The following PPP2R3A variants were observed in gnomAD, a reference collection of about 807,000 sequenced individuals.
PPP2R3A encodes the protein protein phosphatase 2 regulatory subunit B''alpha.
In PPP2R3A, 80 loss-of-function variants were observed where a neutral mutation model predicts 106.9. The ratio of observed to expected loss-of-function variants is 0.75; its 90% CI spans 0.62 to 0.90. The LOEUF is 0.90. PPP2R3A is among the 40% of genes least tolerant of loss of function. The pLI, the probability that PPP2R3A is intolerant of heterozygous loss-of-function variation, is 0.00. For synonymous variants in PPP2R3A, 483 were observed against 468.3 expected, an observed-to-expected ratio of 1.03 and a Z score of -0.41; for missense variants, 1,386 against 1,350.4, an observed-to-expected ratio of 1.03 and a Z score of -0.41.
chr3:136,000,791 C>T (rs185925323), intron 1 of PPP2R3A, among the ~76,000 whole-genome samples: 1 of 152,132 alleles, frequency 6.6e-6, no homozygotes, highest in Non-Finnish European at 1.5e-5. Flanking sequence ...TAAATCTAAG[C>T]TTCTTAATAT....
chr3:136,130,490 C>G lies in PPP2R3A; in HGVS notation c.3330-14553C>G, dbSNP rs192774776. Among the ~76,000 whole-genome samples the G allele has an allele frequency of 5.9e-5, 9 of 152,288 alleles. No individual in the cohort carries two copies. In the East Asian group the frequency reaches 1.7e-3, roughly 29 times the overall value. On this transcript the variant is annotated intron_variant, in intron 13 of 13. Coordinates refer to ENST00000264977, the MANE Select transcript of PPP2R3A (RefSeq NM_002718.5). ...CCTCTTCAAGGAGAACTACAAATCA[C>G]TGCTCAATGAAATAAAAGAGAACAC...
At chr3:136,091,020 A>G (rs1487184535) in intron 10 of PPP2R3A, among the ~76,000 whole-genome samples, 1 of 152,260 alleles carries the variant, frequency 6.6e-6, no homozygotes. Context: ...AGAGAGGGAA[A>G]GCAAATTGTG....
intron 5 of PPP2R3A, among the ~76,000 whole-genome samples, 158 bp downstream of exon 5, chr3:136,049,519 C>T (rs954215610): frequency 1.4e-5 from 2 of 142,638 alleles, no homozygotes; most frequent in Non-Finnish European, 2.9e-5. Flanking sequence ...AAGATCCTCT[C>T]GTTAAATGAA....
intron 1 of PPP2R3A, among the ~76,000 whole-genome samples, chr3:135,982,154 T>G (rs1036912921): frequency 6.6e-6 from 1 of 151,596 alleles, no homozygotes; most frequent in East Asian, 1.9e-4. Flanking sequence ...ACTGAATGAG[T>G]TTATATCCTG....
intron 5 of PPP2R3A, among the ~76,000 whole-genome samples, chr3:136,063,754 AAGTC>A: frequency 6.6e-6 from 1 of 150,758 alleles, no homozygotes; most frequent in Non-Finnish European, 1.5e-5. Flanking sequence ...AATCATTAAA[AAGTC>A]AGGAAACAAC....
At chr3:136,017,854 G>A (rs1351265940) in intron 2 of PPP2R3A, among the ~76,000 whole-genome samples, 1 of 152,180 alleles carries the variant, frequency 6.6e-6, no homozygotes. Flanking sequence ...TTATAGCTTT[G>A]CTGCCTGCAT....
chr3:136,007,299 G>C (rs1401657441), intron 2 of PPP2R3A, among the ~76,000 whole-genome samples: 2 of 152,156 alleles, frequency 1.3e-5, no homozygotes, highest in Non-Finnish European at 2.9e-5. Flanking sequence ...CCAAGTGAGG[G>C]GATGTTCACT....
Position 136,102,061 on chromosome 3 carries a change from G to T in PPP2R3A, c.2982G>T (p.Met994Ile), listed in dbSNP as rs759785232. The change falls in exon 11 of 14, where the codon ATG becomes ATT. Residue 994 changes from methionine (M) to isoleucine (I), a missense_variant. Transcript: ENST00000264977. Reference protein sequence around the residue: ...MDVDGDGVLSMYELEYFYEEQ... With the variant: ...MDVDGDGVLSIYELEYFYEEQ... ...TGGATGGAGACGGTGTACTCTCCAT[G>T]TATGAGCTGGAGTACTTCTATGAGG... 1.2e-6 allele frequency: 2 copies of T among 1,614,008 alleles called. No individual in the cohort carries two copies. The highest frequency in any genetic ancestry group is 1.7e-6 in the Non-Finnish European group (2 of 1,179,922).
chr3:135,995,177 G>A (rs1933336376), intron 1 of PPP2R3A, among the ~76,000 whole-genome samples: 1 of 152,100 alleles, frequency 6.6e-6, no homozygotes, highest in East Asian at 1.9e-4. Flanking sequence ...GGGGGGGTGG[G>A]GCTGGCAGCA....
intron 13 of PPP2R3A, chr3:136,106,569 A>G: frequency 1.0e-5 from 5 of 485,202 alleles, no homozygotes; most frequent in South Asian, 8.6e-5. Context: ...TCACTGAACA[A>G]TCAAACTACT....
At chr3:136,065,923 A>G (rs1936251517) in intron 5 of PPP2R3A, among the ~76,000 whole-genome samples, 1 of 152,172 alleles carries the variant, frequency 6.6e-6, no homozygotes, top group South Asian at 2.1e-4. Flanking sequence ...TGACCCTCCC[A>G]CCTTGGCCTT....
rs1937062511 is a variant in PPP2R3A, at chr3:135,965,788, A to C, written c.-502A>C. 1 of 152,008 alleles carries C rather than the reference A, an allele frequency of 6.6e-6. No homozygotes were observed. The highest frequency in any genetic ancestry group is 6.5e-5 in the Admixed American group (1 of 15,278). 9.4% of individuals were successfully genotyped at this position (152,008 alleles called of 1,614,324 possible). A position where few individuals can be genotyped will look rare whatever the true frequency, so the allele number is the denominator to read the frequency against. ...TAGCCCGAGAGTCCGCGCCGCGGGG[A>C]GGCTTGGAGGCAAGCGCTGCCCGCG... On this transcript the variant is annotated 5_prime_UTR_variant, in exon 1 of 14. Transcript: ENST00000264977.
At chr3:136,029,359 C>G (rs1017513720) in intron 3 of PPP2R3A, among the ~76,000 whole-genome samples, 2 of 152,168 alleles carry the variant, frequency 1.3e-5, no homozygotes, top group Non-Finnish European at 2.9e-5. Context: ...CCTCCACATC[C>G]TTTATGGTCT....
At chr3:136,079,190 A>G (rs1473658584) in intron 7 of PPP2R3A, 1 of 455,364 alleles carries the variant, frequency 2.2e-6, no homozygotes, top group Admixed American at 2.4e-5. Context: ...CATGATGGAT[A>G]TACAAACATT....
rs773969022 is a variant in PPP2R3A, at chr3:136,013,157, G to GGTGTGTGTGT, written c.1995+9681_1995+9690dup. Among the ~76,000 whole-genome samples, 144 of 139,778 alleles carry GGTGTGTGTGT rather than the reference G, an allele frequency of 1.0e-3. 2 individuals are homozygous for GGTGTGTGTGT. Among genetic ancestry groups the GGTGTGTGTGT allele is most frequent in the African/African-American group, 3.8e-3 (134 of 35,258 alleles). 91.7% of individuals were successfully genotyped at this position (139,778 alleles called of 152,430 possible). ...TTTTTATGGCTGAATAGTATTCCAT[G>GGTGTGTGTGT]GTGTGTGTGTGTGTGTGTGTGTGTG... On this transcript the variant is annotated intron_variant, in intron 2 of 13. Coordinates refer to ENST00000264977, the MANE Select transcript of PPP2R3A (RefSeq NM_002718.5).
chr3:136,086,013 C>A (rs972261357), intron 8 of PPP2R3A, among the ~76,000 whole-genome samples: 19 of 151,972 alleles, frequency 1.3e-4, no homozygotes, highest in Admixed American at 7.9e-4. Context: ...GCCTGTAGTC[C>A]CAGCTACTCA....
At chr3:135,979,372 CA>C (rs58845726) in intron 1 of PPP2R3A, among the ~76,000 whole-genome samples, 5,098 of 129,030 alleles carry the variant, frequency 0.04, 357 homozygotes, top group African/African-American at 0.13. Flanking sequence ...GACTCCATCT[CA>C]AAAAAAAAAA....
intron 13 of PPP2R3A, among the ~76,000 whole-genome samples, chr3:136,133,885 CAT>C (rs1291643142): frequency 2.4e-5 from 3 of 126,690 alleles, no homozygotes; most frequent in Non-Finnish European, 3.3e-5. Flanking sequence ...AGTGAAACTC[CAT>C]CTCAAAAAAA....
intron 3 of PPP2R3A, among the ~76,000 whole-genome samples, chr3:136,037,142 C>A (rs1057505424): frequency 6.6e-6 from 1 of 152,322 alleles, no homozygotes; most frequent in South Asian, 2.1e-4. Context: ...TAGTGGCACT[C>A]AAGTGTAGCT....
Sources: gnomAD v4.1 joint callset for allele counts (sites outside exome capture counted in the v4.1 genomes callset) on GRCh38, gnomAD v4.1.1 for gene constraint, MANE v1.5 for transcripts, NCBI Gene and HGNC (gene_info 2026-07-23, HGNC 2026-07-21) for gene names.